Variants in ERBB4 observed in about 807,000 individuals in gnomAD.
ERBB4 encodes erb-b2 receptor tyrosine kinase 4.
In ERBB4, 42 loss-of-function variants were observed where a neutral mutation model predicts 158.0. The ratio of observed to expected loss-of-function variants is 0.27; its 90% CI spans 0.21 to 0.34. The LOEUF (loss-of-function observed/expected upper bound fraction) is 0.34. ERBB4 is among the 10% of genes least tolerant of loss of function. The probability of loss-of-function intolerance (pLI) is 1.00; values close to 1 mark genes in which losing one functional copy is unlikely to be tolerated. For synonymous variants in ERBB4, 583 were observed against 558.7 expected (o/e 1.04, Z -0.61); for missense variants, 1,333 against 1,624.1 (o/e 0.82, Z 3.08).
intron 3 of ERBB4, among the ~76,000 whole-genome samples, chr2:211,805,219 G>A (rs2076588480): frequency 6.6e-6 from 1 of 152,226 alleles, no homozygotes; most frequent in African/African-American, 2.4e-5. Flanking sequence ...GAGCCACTGT[G>A]CCTGGCCCTT....
intron 1 of ERBB4, among the ~76,000 whole-genome samples, chr2:212,491,022 T>C (rs1252658422): frequency 6.6e-6 from 1 of 151,760 alleles, no homozygotes; most frequent in Non-Finnish European, 1.5e-5. Context: ...GATGCTGTTA[T>C]TACTATCTTT....
chr2:212,320,532 A>G (rs1471382249), intron 1 of ERBB4, among the ~76,000 whole-genome samples: 2 of 148,894 alleles, frequency 1.3e-5, no homozygotes, highest in Non-Finnish European at 3.0e-5. Flanking sequence ...AAAACAACAC[A>G]AGATTCTGGC....
At chr2:212,174,005 G>A (rs913010923) in intron 1 of ERBB4, among the ~76,000 whole-genome samples, 3 of 151,988 alleles carry the variant, frequency 2.0e-5, no homozygotes, top group Non-Finnish European at 4.4e-5. Context: ...CACACCTCAG[G>A]GCTGCTACTG....
chr2:211,882,205 A>T (rs1354526201), intron 3 of ERBB4, among the ~76,000 whole-genome samples: 1 of 152,024 alleles, frequency 6.6e-6, no homozygotes, highest in African/African-American at 2.4e-5. Flanking sequence ...TAAAAAAAAT[A>T]ATAAAAAAAT....
At chr2:212,000,187 T>A (rs566257126) in intron 2 of ERBB4, among the ~76,000 whole-genome samples, 1 of 151,954 alleles carries the variant, frequency 6.6e-6, no homozygotes, top group South Asian at 2.1e-4. Flanking sequence ...TATTTTGATA[T>A]TCATCAATAT....
chr2:211,564,928 A>C (rs2067504178), intron 19 of ERBB4, among the ~76,000 whole-genome samples: 1 of 152,212 alleles, frequency 6.6e-6, no homozygotes, highest in Admixed American at 6.5e-5. Context: ...TGGGAGTTGA[A>C]GGTCAAATTA....
At chr2:211,998,945 C>T (rs1307399496) in intron 2 of ERBB4, among the ~76,000 whole-genome samples, 1 of 151,764 alleles carries the variant, frequency 6.6e-6, no homozygotes, top group Admixed American at 6.6e-5. Flanking sequence ...AACAACAATG[C>T]TAGTATCATT....
intron 1 of ERBB4, among the ~76,000 whole-genome samples, chr2:212,370,764 C>A (rs2090056716): frequency 6.6e-6 from 1 of 152,084 alleles, no homozygotes; most frequent in Non-Finnish European, 1.5e-5. Flanking sequence ...ACACTGATTC[C>A]CTTAAACAAT....
At chr2:212,256,094 A>G (rs1005855045) in intron 1 of ERBB4, among the ~76,000 whole-genome samples, 4 of 151,630 alleles carry the variant, frequency 2.6e-5, no homozygotes, top group Non-Finnish European at 2.9e-5. Context: ...TTGGCCTCCC[A>G]AAGTGCTGGG....
chr2:211,883,343 T>C (rs58540760), intron 3 of ERBB4, among the ~76,000 whole-genome samples: 21,604 of 152,070 alleles, frequency 0.14, 1,895 homozygotes, highest in African/African-American at 0.24. Flanking sequence ...ATATACCTAA[T>C]GTAAATGACA....
chr2:211,747,251 A>G (rs1575088511), intron 5 of ERBB4, among the ~76,000 whole-genome samples: 2 of 152,152 alleles, frequency 1.3e-5, no homozygotes, highest in East Asian at 3.8e-4. Context: ...TGTACTGACT[A>G]ATGCTTTGTT....
At chr2:211,680,784 T>G (rs73080781) in intron 12 of ERBB4, among the ~76,000 whole-genome samples, 1,629 of 152,348 alleles carry the variant, frequency 0.011, 33 homozygotes, top group African/African-American at 0.037. Flanking sequence ...CAAATCTTGC[T>G]ACTTCTTGAA....
chr2:211,497,196 G>C (rs1024991617), intron 20 of ERBB4, among the ~76,000 whole-genome samples: 13 of 151,736 alleles, frequency 8.6e-5, no homozygotes, highest in African/African-American at 3.1e-4. Flanking sequence ...ACCAATTTTT[G>C]GCATGTATTA....
chr2:211,580,871 A>G (rs1311231882), intron 19 of ERBB4, among the ~76,000 whole-genome samples: 10 of 416 alleles, frequency 0.024, 2 homozygotes, highest in South Asian at 0.24. Flanking sequence ...ATATACATAT[A>G]TATATATATA....
At chr2:211,716,098 C>T (rs1217735560) in intron 7 of ERBB4, among the ~76,000 whole-genome samples, 2 of 152,190 alleles carry the variant, frequency 1.3e-5, no homozygotes, top group Non-Finnish European at 2.9e-5. Flanking sequence ...CACAGTGGCT[C>T]ACGCCTGTAA....
chr2:211,680,747 T>C (rs2072300766), intron 12 of ERBB4, among the ~76,000 whole-genome samples: 1 of 152,210 alleles, frequency 6.6e-6, no homozygotes, highest in Non-Finnish European at 1.5e-5. Context: ...GTGTAAAAAT[T>C]TTTTAAAGCA....
intron 12 of ERBB4, among the ~76,000 whole-genome samples, chr2:211,684,088 A>C (rs563836046): frequency 2.0e-5 from 3 of 152,142 alleles, no homozygotes; most frequent in Admixed American, 2.0e-4. Context: ...TATATATTCC[A>C]TCTATCTATG....
chr2:211,562,769 C>CTTTTTTTT lies in ERBB4; in HGVS notation c.2302-689_2302-682dup, dbSNP rs367801279. On this transcript the variant is annotated intron_variant, in intron 19 of 27. Coordinates refer to ENST00000342788, the MANE Select transcript of ERBB4 (RefSeq NM_005235.3). Reference sequence around the variant, plus strand: ...GACTATAAAAATTTGACTACTCCAACTTTTTTTTTTTTTTTTTTTTGAGAC... The same window carrying CTTTTTTTT: ...GACTATAAAAATTTGACTACTCCAACTTTTTTTTTTTTTTTTTTTTTTTTTTTTGAGAC... 8.9e-3 allele frequency among the ~76,000 whole-genome samples: 1,121 copies of CTTTTTTTT among 125,636 alleles called. 61 individuals carry two copies. Among genetic ancestry groups the CTTTTTTTT allele is most frequent in the African/African-American group, 0.021 (598 of 28,266 alleles). The allele number at this position is 125,636 out of a possible 152,430, so 82.4% of individuals were successfully genotyped here.
chr2:211,611,992 A>G (rs992662369), intron 19 of ERBB4, among the ~76,000 whole-genome samples: 2 of 152,158 alleles, frequency 1.3e-5, no homozygotes, highest in Admixed American at 6.5e-5. Context: ...CAGAGGGTAC[A>G]TGAATACCAT....
Sources: allele counts gnomAD v4.1 joint callset (sites outside exome capture counted in the v4.1 genomes callset), GRCh38; gene constraint gnomAD v4.1.1; transcripts MANE v1.5; gene names NCBI Gene and HGNC (gene_info 2026-07-23, HGNC 2026-07-21).